SLC9A9: variants seen among roughly 807,000 people sequenced by gnomAD.
The protein encoded by SLC9A9 is sodium/hydrogen exchanger 9.
SLC9A9 carries 62 observed loss-of-function variants against 77.8 expected under a neutral mutation model. That is an observed-to-expected ratio of 0.80 (90% CI 0.65 to 0.98). The LOEUF is 0.98. Among genes scored for constraint, SLC9A9 ranks in the 50% least tolerant of loss-of-function variants. SLC9A9 has a pLI of 0.00. For missense variants in SLC9A9, 775 were observed against 774.9 expected (o/e 1.00, Z 0.00); for synonymous variants, 320 against 283.5 (o/e 1.13, Z -1.29).
intron 6 of SLC9A9, among the ~76,000 whole-genome samples, chr3:143,629,965 T>C (rs2038393081): frequency 6.6e-6 from 1 of 152,110 alleles, no homozygotes; most frequent in African/African-American, 2.4e-5. Context: ...GAGAAATCAT[T>C]TTTGGCAAGG....
intron 4 of SLC9A9, among the ~76,000 whole-genome samples, chr3:143,777,193 A>G (rs1453873102): frequency 6.6e-6 from 1 of 152,142 alleles, no homozygotes; most frequent in East Asian, 1.9e-4. Context: ...AAAAATAGCC[A>G]TTTTTATTTA....
intron 13 of SLC9A9, among the ~76,000 whole-genome samples, chr3:143,364,202 T>A (rs906959153): frequency 2.0e-5 from 3 of 151,836 alleles, no homozygotes; most frequent in African/African-American, 7.3e-5. Context: ...TGGGTGTTTT[T>A]GTGAGAGAAG....
At chr3:143,837,869 G>GT (rs973182444) in intron 1 of SLC9A9, among the ~76,000 whole-genome samples, 12 of 152,200 alleles carry the variant, frequency 7.9e-5, no homozygotes, top group African/African-American at 2.9e-4. Context: ...AATGGGCCCG[G>GT]TTAGGACACC....
intron 2 of SLC9A9, among the ~76,000 whole-genome samples, chr3:143,822,973 A>C (rs1016026060): frequency 6.8e-6 from 1 of 146,566 alleles, no homozygotes; most frequent in Non-Finnish European, 1.5e-5. Flanking sequence ...ACCATCACAG[A>C]GCACACATAA....
chr3:143,638,587 G>A (rs181053879), intron 6 of SLC9A9, among the ~76,000 whole-genome samples: 2 of 152,330 alleles, frequency 1.3e-5, no homozygotes, highest in Non-Finnish European at 2.9e-5. Context: ...ATATATTTGA[G>A]GACCCCTGGG....
At chr3:143,622,558 A>C (rs1468404069) in intron 6 of SLC9A9, among the ~76,000 whole-genome samples, 7 of 152,312 alleles carry the variant, frequency 4.6e-5, no homozygotes, top group East Asian at 1.9e-4. Flanking sequence ...TACAGACAAG[A>C]AAATGCTGAG....
chr3:143,584,143 C>T (rs1407034547), intron 6 of SLC9A9, among the ~76,000 whole-genome samples: 1 of 152,020 alleles, frequency 6.6e-6, no homozygotes, highest in African/African-American at 2.4e-5. Context: ...TGCCCTTCCA[C>T]TGTGGCCTTA....
intron 4 of SLC9A9, among the ~76,000 whole-genome samples, chr3:143,763,473 T>C (rs1217862447): frequency 3.9e-5 from 6 of 152,196 alleles, no homozygotes; most frequent in Non-Finnish European, 7.3e-5. Context: ...GTCACTGTGA[T>C]TTTAAAGAAA....
intron 8 of SLC9A9, among the ~76,000 whole-genome samples, chr3:143,563,588 G>C (rs1038836067): frequency 1.3e-5 from 2 of 152,034 alleles, no homozygotes; most frequent in Non-Finnish European, 2.9e-5. Context: ...TTTTCAAATA[G>C]GGGTATATAA....
chr3:143,278,129 C>CA (rs947563109), intron 14 of SLC9A9, among the ~76,000 whole-genome samples: 3 of 152,186 alleles, frequency 2.0e-5, no homozygotes, highest in African/African-American at 7.2e-5. Flanking sequence ...CAGGGAGATG[C>CA]ATAATCATCT....
intron 14 of SLC9A9, among the ~76,000 whole-genome samples, chr3:143,303,468 A>C (rs961260365): frequency 2.6e-5 from 4 of 151,834 alleles, no homozygotes; most frequent in African/African-American, 9.7e-5. Context: ...ACAGCATGCT[A>C]TCCAATATTG....
intron 12 of SLC9A9, among the ~76,000 whole-genome samples, chr3:143,434,419 A>G (rs2034581991): frequency 6.6e-6 from 1 of 152,158 alleles, no homozygotes; most frequent in African/African-American, 2.4e-5. Context: ...CCCTGTTTAG[A>G]TTTCATTATG....
chr3:143,294,213 A>C (rs1180145870), intron 14 of SLC9A9, among the ~76,000 whole-genome samples: 1 of 152,218 alleles, frequency 6.6e-6, no homozygotes, highest in African/African-American at 2.4e-5. Flanking sequence ...CTTAACCTCA[A>C]ATAAAACTAA....
intron 8 of SLC9A9, among the ~76,000 whole-genome samples, chr3:143,565,393 A>G (rs1205054886): frequency 6.6e-6 from 1 of 152,122 alleles, no homozygotes; most frequent in East Asian, 1.9e-4. Context: ...CTTTTTCTCT[A>G]TGACTCCTGG....
chr3:143,640,324 T>C lies in SLC9A9; in HGVS notation c.755+11931A>G, dbSNP rs531335623. Among the ~76,000 whole-genome samples, 21 of 152,230 alleles carry C rather than the reference T, an allele frequency of 1.4e-4. No homozygotes were observed. In the South Asian group the frequency reaches 4.4e-3, roughly 32 times the overall value. The stretch of plus-strand genomic sequence containing the variant: ...GCGTGAGCCACCGTGCGCAACCTTG[T>C]AATTTCTTAGTTTATTATGTTAGCA... On this transcript the variant is annotated intron_variant, in intron 6 of 15. Coordinates refer to ENST00000316549, the MANE Select transcript of SLC9A9 (RefSeq NM_173653.4).
At chr3:143,807,945 C>T (rs1868182) in intron 2 of SLC9A9, among the ~76,000 whole-genome samples, 15,016 of 152,102 alleles carry the variant, frequency 0.099, 2,015 homozygotes, top group African/African-American at 0.31. Context: ...GAGAGACCAT[C>T]TCGATGCTTT....
At chr3:143,647,322 C>T (rs1346109500) in intron 6 of SLC9A9, among the ~76,000 whole-genome samples, 1 of 152,186 alleles carries the variant, frequency 6.6e-6, no homozygotes, top group Non-Finnish European at 1.5e-5. Flanking sequence ...GTTGAAAATG[C>T]TTCCCTTGGT....
At chr3:143,585,691 C>T (rs905731780) in intron 6 of SLC9A9, among the ~76,000 whole-genome samples, 1 of 152,186 alleles carries the variant, frequency 6.6e-6, no homozygotes, top group Non-Finnish European at 1.5e-5. Context: ...CTGGGGTTCC[C>T]CTGAGTACCT....
At chr3:143,721,748 G>C (rs552080641) in intron 4 of SLC9A9, among the ~76,000 whole-genome samples, 2 of 152,276 alleles carry the variant, frequency 1.3e-5, no homozygotes, top group East Asian at 3.9e-4. Flanking sequence ...TGGTTACAAG[G>C]CTCAGCAGTG....
Sources: gnomAD v4.1 joint callset for allele counts (sites outside exome capture counted in the v4.1 genomes callset) on GRCh38, gnomAD v4.1.1 for gene constraint, MANE v1.5 for transcripts, NCBI Gene and HGNC (gene_info 2026-07-23, HGNC 2026-07-21) for gene names.